RBFOX1: variants seen among roughly 807,000 people sequenced by gnomAD.
RBFOX1 encodes the protein RNA binding fox-1 homolog 1.
Under a neutral mutation model 57.7 loss-of-function variants are expected in RBFOX1, and 8 were observed. The ratio of observed to expected loss-of-function variants is 0.14; its 90% CI spans 0.08 to 0.25. The LOEUF (loss-of-function observed/expected upper bound fraction) is 0.25, where lower values mean the gene tolerates loss of function less well. Among genes scored for constraint, RBFOX1 ranks in the 10% least tolerant of loss-of-function variants. The pLI is 1.00. For missense variants in RBFOX1, 611 were observed against 548.5 expected, an observed-to-expected ratio of 1.11 and a Z score of -1.14; for synonymous variants, 326 against 222.4, an observed-to-expected ratio of 1.47 and a Z score of -4.15.
Position 6,713,475 on chromosome 16 carries a change from C to T in RBFOX1, c.-16+58825C>T, listed in dbSNP as rs758731307. On this transcript the variant is annotated intron_variant, in intron 3 of 15. Coordinates refer to ENST00000550418, the MANE Select transcript of RBFOX1 (RefSeq NM_018723.4). ...ATAATGCTGTGCTGTAGGGGTCTGT[C>T]CTGTGCATTGTAGGATGTTGAGGAG... Among the ~76,000 whole-genome samples the T allele has an allele frequency of 2.6e-5, 4 of 152,006 alleles. No individual in the cohort carries two copies. In the South Asian group the frequency reaches 6.2e-4, roughly 24 times the overall value.
At chr16:7,225,900 T>TAATAAATC (rs1555600404) in intron 4 of RBFOX1, among the ~76,000 whole-genome samples, 1 of 24,580 alleles carries the variant, frequency 4.1e-5, no homozygotes, top group African/African-American at 7.0e-4. Flanking sequence ...ACTTAAAGTA[T>TAATAAATC]AATAAATATA....
chr16:6,209,475 C>A (rs930142899), intron 1 of RBFOX1, among the ~76,000 whole-genome samples: 5 of 152,230 alleles, frequency 3.3e-5, no homozygotes, highest in African/African-American at 1.2e-4. Context: ...GCCGTCTCAT[C>A]TAATACACGT....
chr16:5,984,327 G>A (rs528174126), intron 4 of RBFOX1, among the ~76,000 whole-genome samples: 54 of 151,102 alleles, frequency 3.6e-4, no homozygotes, highest in Non-Finnish European at 6.9e-4. Context: ...TAGAGACAAA[G>A]GACAGGTAAG....
chr16:5,802,729 T>G (rs2055099856), intron 3 of RBFOX1, among the ~76,000 whole-genome samples: 1 of 152,220 alleles, frequency 6.6e-6, no homozygotes, highest in Admixed American at 6.5e-5. Flanking sequence ...CCTTCTGGAT[T>G]ACAGACAAAA....
At chr16:6,655,263 A>G (rs1474989330) in intron 3 of RBFOX1, among the ~76,000 whole-genome samples, 4 of 149,822 alleles carry the variant, frequency 2.7e-5, no homozygotes, top group African/African-American at 9.8e-5. Flanking sequence ...AATCCCAGCT[A>G]CTTGGGAGGC....
At chr16:5,770,964 C>T (rs1056116263) in intron 3 of RBFOX1, among the ~76,000 whole-genome samples, 1 of 152,218 alleles carries the variant, frequency 6.6e-6, no homozygotes, top group Non-Finnish European at 1.5e-5. Context: ...TGTTTCCTGT[C>T]TCTGGCCACG....
Position 6,764,211 on chromosome 16 carries a change from C to G in RBFOX1, c.-16+109561C>G, listed in dbSNP as rs1330694030. Among the ~76,000 whole-genome samples, 4 of 152,170 alleles carry G rather than the reference C, an allele frequency of 2.6e-5. No homozygotes were observed. In the East Asian group the frequency reaches 5.8e-4, roughly 22 times the overall value. On this transcript the variant is annotated intron_variant, in intron 3 of 15. Transcript: ENST00000550418. ...TCCCACTTGAGCATCTGAACTTCAT[C>G]TCAGTTTTATGACAGCAGCTGGCAT...
intron 4 of RBFOX1, among the ~76,000 whole-genome samples, chr16:7,474,577 T>C (rs1279531821): frequency 6.6e-6 from 1 of 152,160 alleles, no homozygotes; most frequent in Non-Finnish European, 1.5e-5. Context: ...AATGGCAAAA[T>C]TAAAGTGGCA....
intron 1 of RBFOX1, among the ~76,000 whole-genome samples, chr16:6,300,036 G>A (rs2078629917): frequency 6.6e-6 from 1 of 152,188 alleles, no homozygotes; most frequent in Non-Finnish European, 1.5e-5. Context: ...TCTGTCATTT[G>A]TGACAACATG....
chr16:6,704,098 T>C (rs2062301739), intron 3 of RBFOX1: 1 of 152,244 alleles, frequency 6.6e-6, no homozygotes, highest in Non-Finnish European at 1.5e-5. Flanking sequence ...GGCACTATCC[T>C]TGCTCTTCTA....
chr16:6,996,175 C>T (rs116171958), intron 3 of RBFOX1, among the ~76,000 whole-genome samples: 2 of 152,152 alleles, frequency 1.3e-5, no homozygotes, highest in African/African-American at 2.4e-5. Flanking sequence ...CATGGCAGTT[C>T]CCGATAAATC....
chr16:7,671,731 C>T (rs548057497), intron 13 of RBFOX1: 40 of 815,488 alleles, frequency 4.9e-5, no homozygotes, highest in Admixed American at 6.3e-5. Context: ...CTGAATTTTC[C>T]AGTTTTAATA....
chr16:7,511,135 T>A (rs905648210), intron 4 of RBFOX1, among the ~76,000 whole-genome samples: 4 of 152,306 alleles, frequency 2.6e-5, no homozygotes, highest in Admixed American at 6.5e-5. Flanking sequence ...GTACTTTGCC[T>A]TCTCAGTGAA....
intron 3 of RBFOX1, among the ~76,000 whole-genome samples, chr16:6,794,522 T>G (rs968652047): frequency 6.6e-6 from 1 of 152,184 alleles, no homozygotes; most frequent in Non-Finnish European, 1.5e-5. Context: ...GGTCATTTTA[T>G]AAGTTCCTAA....
intron 1 of RBFOX1, chr16:5,289,517 G>C (rs1007589644): frequency 1.1e-5 from 2 of 188,354 alleles, no homozygotes; most frequent in Non-Finnish European, 2.2e-5. Context: ...TGTAGACCTG[G>C]TATTTTGGAT....
chr16:7,329,373 T>C (rs2096654455), intron 4 of RBFOX1, among the ~76,000 whole-genome samples: 1 of 152,166 alleles, frequency 6.6e-6, no homozygotes, highest in Non-Finnish European at 1.5e-5. Flanking sequence ...ATAATAGATG[T>C]TGAGTAGCCC....
intron 6 of RBFOX1, among the ~76,000 whole-genome samples, chr16:7,583,001 T>C (rs1373850529): frequency 6.6e-6 from 1 of 151,912 alleles, no homozygotes; most frequent in Non-Finnish European, 1.5e-5. Context: ...TTACTGCAGA[T>C]GACTCATTTT....
At chr16:6,563,370 G>C (rs1050435414) in intron 2 of RBFOX1, among the ~76,000 whole-genome samples, 3 of 152,146 alleles carry the variant, frequency 2.0e-5, no homozygotes, top group East Asian at 3.9e-4. Flanking sequence ...ATCCATTTAA[G>C]TCCATCTTAT....
At chr16:5,359,487 C>G (rs1003451454) in intron 1 of RBFOX1, among the ~76,000 whole-genome samples, 2 of 152,182 alleles carry the variant, frequency 1.3e-5, no homozygotes, top group African/African-American at 2.4e-5. Context: ...TCATGCCTGT[C>G]TTTTGGATAA....
Sources: gnomAD v4.1 joint callset for allele counts (sites outside exome capture counted in the v4.1 genomes callset) on GRCh38, gnomAD v4.1.1 for gene constraint, MANE v1.5 for transcripts, NCBI Gene and HGNC (gene_info 2026-07-23, HGNC 2026-07-21) for gene names.